The following TMEM60 variants were observed in gnomAD, a reference collection of about 807,000 sequenced individuals.
The protein encoded by TMEM60 is chromosome 7 open reading frame 35.
TMEM60 carries 4 observed loss-of-function variants against 10.7 expected under a neutral mutation model. The ratio of observed to expected loss-of-function variants is 0.37; its 90% CI spans 0.18 to 0.86. The LOEUF (loss-of-function observed/expected upper bound fraction) is 0.86. Among genes scored for constraint, TMEM60 ranks in the 40% least tolerant of loss-of-function variants. The probability of loss-of-function intolerance (pLI) is 0.43; values close to 1 mark genes in which losing one functional copy is unlikely to be tolerated. For missense variants in TMEM60, 128 were observed against 153.4 expected (o/e 0.83, Z 0.88); for synonymous variants, 56 against 58.1 (o/e 0.96, Z 0.17).
chr7:77,795,964 TCTCA>T (rs1470597235), intron 1 of TMEM60, among the ~76,000 whole-genome samples: 4 of 151,544 alleles, frequency 2.6e-5, no homozygotes, highest in African/African-American at 7.3e-5. Context: ...TGAGACGGAG[TCTCA>T]CTCTTGTCAC....
At chr7:77,797,366 C>G (rs1405894711) in intron 1 of TMEM60, among the ~76,000 whole-genome samples, 3 of 152,112 alleles carry the variant, frequency 2.0e-5, no homozygotes, top group African/African-American at 7.2e-5. Flanking sequence ...TCTTATTGTG[C>G]CTACAAGATT....
intron 1 of TMEM60, among the ~76,000 whole-genome samples, chr7:77,796,174 G>A (rs953486071): frequency 6.6e-6 from 1 of 152,240 alleles, no homozygotes; most frequent in Admixed American, 6.5e-5. Context: ...CTGACCTCAA[G>A]TGATCCACCC....
Position 77,794,437 on chromosome 7 carries a change from A to G in TMEM60, c.-50-14T>C. ...AGGAAATATACCCTAAGAGAAGGAGAAAAAGTCAAGATTGTTTTGATACCA... is the reference window on the plus strand; with the variant it reads ...AGGAAATATACCCTAAGAGAAGGAGGAAAAGTCAAGATTGTTTTGATACCA... On this transcript the variant is annotated splice_polypyrimidine_tract_variant and intron_variant, in intron 1 of 1. Transcript: ENST00000257663. The G allele has an allele frequency of 1.4e-6, 2 of 1,405,196 alleles. No individual in the cohort carries two copies. The highest frequency in any genetic ancestry group is 2.5e-5 in the East Asian group (1 of 39,448). The allele number at this position is 1,405,196 out of a possible 1,614,324, so 87.0% of individuals were successfully genotyped here.
rs750809656 is a variant in TMEM60 at position 77,793,950 on chromosome 7, AAGG to A, written c.*19_*21del. On this transcript the variant is annotated 3_prime_UTR_variant, in exon 2 of 2. Coordinates refer to ENST00000257663, the MANE Select transcript of TMEM60 (RefSeq NM_032936.4). ...TGGTAACTTGTTGAACAGCAATAGA[AAGG>A]AGATGATGTACTTAGAAGTCAGTCT... 2.0e-6 allele frequency: 3 copies of A among 1,524,136 alleles called. No individual in the cohort carries two copies. In the African/African-American group the frequency reaches 4.2e-5, roughly 21 times the overall value. 94.4% of individuals were successfully genotyped at this position (1,524,136 alleles called of 1,614,324 possible).
In TMEM60 at chr7:77,794,001, C is replaced by G; in HGVS notation, c.373G>C (p.Gly125Arg). The part of the protein sequence containing the change: ...ALLAGALTEL[G>R]YNVFFVRD Reference sequence around the variant, plus strand: ...TCTCTCACAAAAAAGACATTATATCCGAGTTCTGTTAAAGCCCCAGCCAGC... The same window carrying G: ...TCTCTCACAAAAAAGACATTATATCGGAGTTCTGTTAAAGCCCCAGCCAGC... Residue 125 changes from glycine (G) to arginine (R), a missense_variant, in exon 2 of 2, where the codon GGA becomes CGA. Physicochemically the swap from Gly to Arg is moderately radical, Grantham distance 125. Transcript: ENST00000257663. The G allele has an allele frequency of 6.3e-7, 1 of 1,584,452 alleles. No homozygotes were observed. The highest frequency in any genetic ancestry group is 8.6e-7 in the Non-Finnish European group (1 of 1,169,460).
At chr7:77,794,463 G>A in intron 1 of TMEM60, 40 bp from the exon 2 acceptor site, 1 of 1,325,890 alleles carries the variant, frequency 7.5e-7, no homozygotes, top group South Asian at 2.1e-5. Context: ...TTTGATACCA[G>A]AAAAAAAGTA....
Position 77,793,906 on chromosome 7 carries a change from C to T in TMEM60, c.*66G>A, listed in dbSNP as rs1457827201. Reference sequence around the variant, plus strand: ...GTTCTCTGGTATTCTTGAAGCTTGACAGATTCAGAACACTTTAATGGTAAC... The same window carrying T: ...GTTCTCTGGTATTCTTGAAGCTTGATAGATTCAGAACACTTTAATGGTAAC... On this transcript the variant is annotated 3_prime_UTR_variant, in exon 2 of 2. Transcript: ENST00000257663. 2.6e-5 allele frequency: 38 copies of T among 1,446,786 alleles called. No homozygotes were observed. Among genetic ancestry groups the T allele is most frequent in the Non-Finnish European group, 3.5e-5 (38 of 1,092,952 alleles). The allele number at this position is 1,446,786 out of a possible 1,614,324, so 89.6% of individuals were successfully genotyped here.
intron 1 of TMEM60, among the ~76,000 whole-genome samples, chr7:77,797,354 A>C (rs1345303981): frequency 6.6e-6 from 1 of 152,218 alleles, no homozygotes; most frequent in East Asian, 1.9e-4. Context: ...TGCAAGTAAC[A>C]ATCTTATTGT....
chr7:77,797,895 G>A (rs1043214119), intron 1 of TMEM60, among the ~76,000 whole-genome samples: 3 of 152,000 alleles, frequency 2.0e-5, no homozygotes, highest in African/African-American at 7.2e-5. Context: ...TGAAAAGCCC[G>A]TGCAGCAACA....
At chr7:77,796,519 A>G (rs1792168662) in intron 1 of TMEM60, among the ~76,000 whole-genome samples, 1 of 152,208 alleles carries the variant, frequency 6.6e-6, no homozygotes, top group African/African-American at 2.4e-5. Flanking sequence ...AATGGAAACA[A>G]TTGAGAACAT....
chr7:77,794,810 A>G (rs1293180814), intron 1 of TMEM60, among the ~76,000 whole-genome samples: 1 of 152,188 alleles, frequency 6.6e-6, no homozygotes, highest in Non-Finnish European at 1.5e-5. Flanking sequence ...AAGCATTCAA[A>G]GTAGTGAAAA....
chr7:77,793,789 G>A lies in TMEM60; in HGVS notation c.*183C>T. ...TAAGGATCTCAATAACTCAAATGCT[G>A]AATAATTAAGCTGTAGGTTGACTAG... On this transcript the variant is annotated 3_prime_UTR_variant, in exon 2 of 2. Transcript: ENST00000257663. The A allele has an allele frequency of 3.4e-6, 2 of 594,542 alleles. No homozygotes were observed. Among genetic ancestry groups the A allele is most frequent in the South Asian group, 8.5e-5 (2 of 23,492 alleles). The allele number at this position is 594,542 out of a possible 1,614,324, so 36.8% of individuals were successfully genotyped here.
rs749773249 is a variant in TMEM60, at chr7:77,794,142, C to CT, written c.231dup (p.Ala78SerfsTer10). 19 of 1,607,028 alleles carry CT rather than the reference C, an allele frequency of 1.2e-5. No individual in the cohort carries two copies. Among genetic ancestry groups the CT allele is most frequent in the Admixed American group, 1.2e-4 (7 of 59,216 alleles). On this transcript the variant is annotated frameshift_variant, in exon 2 of 2. Transcript: ENST00000257663. LOFTEE classifies it high-confidence loss of function. Reference sequence around the variant, plus strand: ...AGTAACATTGCAATGAGGTACCAGGCTTTTTTTTTAATATTGTGTGATCCA... The same window carrying CT: ...AGTAACATTGCAATGAGGTACCAGGCTTTTTTTTTTAATATTGTGTGATCCA...
At chr7:77,796,664 G>T (rs978459226) in intron 1 of TMEM60, among the ~76,000 whole-genome samples, 4 of 152,200 alleles carry the variant, frequency 2.6e-5, no homozygotes, top group African/African-American at 9.7e-5. Flanking sequence ...CACTGAAGAT[G>T]AGAGAGGATA....
At chr7:77,794,976 A>G (rs1364819659) in intron 1 of TMEM60, among the ~76,000 whole-genome samples, 1 of 152,134 alleles carries the variant, frequency 6.6e-6, no homozygotes, top group Non-Finnish European at 1.5e-5. Context: ...GGCAAGAGTG[A>G]AACCCTGCCT....
chr7:77,793,878 T>G lies in TMEM60; in HGVS notation c.*94A>C. 1 of 1,362,582 alleles carries G rather than the reference T, an allele frequency of 7.3e-7. No homozygotes were observed. Among genetic ancestry groups the G allele is most frequent in the South Asian group, 1.9e-5 (1 of 53,130 alleles). 84.4% of individuals were successfully genotyped at this position (1,362,582 alleles called of 1,614,324 possible). A position where few individuals can be genotyped will look rare whatever the true frequency, so the allele number is the denominator to read the frequency against. ...ATAAAACTACATTTGGTATTTTCCC[T>G]CAGTTCTCTGGTATTCTTGAAGCTT... On this transcript the variant is annotated 3_prime_UTR_variant, in exon 2 of 2. Transcript: ENST00000257663.
intron 1 of TMEM60, among the ~76,000 whole-genome samples, chr7:77,797,533 C>T (rs1792204498): frequency 6.6e-6 from 1 of 152,176 alleles, no homozygotes; most frequent in Non-Finnish European, 1.5e-5. Context: ...TTTACGTCTT[C>T]ATCAATTTGA....
At chr7:77,797,508 G>C (rs752892062) in intron 1 of TMEM60, among the ~76,000 whole-genome samples, 22 of 152,172 alleles carry the variant, frequency 1.4e-4, no homozygotes, top group Non-Finnish European at 2.9e-4. Flanking sequence ...GATGACATAC[G>C]ATCCCAGTTT....
At chr7:77,794,494 CA>C in intron 1 of TMEM60, 71 bp from the exon 2 acceptor site, 1 of 1,037,842 alleles carries the variant, frequency 9.6e-7, no homozygotes, top group Non-Finnish European at 1.3e-6. Flanking sequence ...TCCTAATGAA[CA>C]AAACTGGTTC....
Sources: gnomAD v4.1 joint callset for allele counts (sites outside exome capture counted in the v4.1 genomes callset) on GRCh38, gnomAD v4.1.1 for gene constraint, MANE v1.5 for transcripts, NCBI Gene and HGNC (gene_info 2026-07-23, HGNC 2026-07-21) for gene names.